The following TRAPPC9 variants were observed in gnomAD, a reference collection of about 807,000 sequenced individuals.
TRAPPC9 encodes the protein trafficking protein particle complex subunit 9.
In TRAPPC9, 83 loss-of-function variants were observed where a neutral mutation model predicts 124.0. The ratio of observed to expected loss-of-function variants is 0.67; its 90% CI spans 0.56 to 0.80. TRAPPC9 has a LOEUF of 0.80. Among genes scored for constraint, TRAPPC9 ranks in the 30% least tolerant of loss-of-function variants. The probability of loss-of-function intolerance (pLI) is 0.00; values close to 1 mark genes in which losing one functional copy is unlikely to be tolerated. For missense variants in TRAPPC9, 1,302 were observed against 1,508.3 expected, an observed-to-expected ratio of 0.86 and a Z score of 2.27; for synonymous variants, 638 against 617.5, an observed-to-expected ratio of 1.03 and a Z score of -0.49.
intron 6 of TRAPPC9, among the ~76,000 whole-genome samples, chr8:140,405,036 T>C (rs1356360657): frequency 6.6e-6 from 1 of 152,148 alleles, no homozygotes; most frequent in Non-Finnish European, 1.5e-5. Context: ...TAGAGGACTT[T>C]CATTTTTTTA....
intron 21 of TRAPPC9, among the ~76,000 whole-genome samples, chr8:139,860,358 C>T (rs1388686910): frequency 6.6e-6 from 1 of 152,194 alleles, no homozygotes; most frequent in Non-Finnish European, 1.5e-5. Flanking sequence ...TCGGGAACAA[C>T]CTCAGGGAGC....
intron 18 of TRAPPC9, among the ~76,000 whole-genome samples, chr8:139,994,633 C>T (rs986558220): frequency 1.3e-5 from 2 of 152,166 alleles, no homozygotes; most frequent in Non-Finnish European, 2.9e-5. Flanking sequence ...TATGACACAA[C>T]TATTTCTTAA....
In TRAPPC9 at chr8:140,045,638, A is replaced by AC. The variant is rs1237704419; in HGVS notation, c.2557-21560_2557-21559insG. Among the ~76,000 whole-genome samples, 274 of 133,894 alleles carry AC rather than the reference A, an allele frequency of 2.0e-3. 12 individuals carry two copies. The highest frequency in any genetic ancestry group is 4.0e-3 in the Middle Eastern group (1 of 252). 87.8% of individuals were successfully genotyped at this position (133,894 alleles called of 152,430 possible). On this transcript the variant is annotated intron_variant, in intron 17 of 22. Coordinates refer to ENST00000438773, the MANE Select transcript of TRAPPC9 (RefSeq NM_001160372.4). ...CAAGACTCCATCTCGGCAGAAAAAA[A>AC]AAAAAAAAAAAAAAAAAAAAACCAA...
At chr8:140,205,102 T>C (rs1183315436) in intron 17 of TRAPPC9, among the ~76,000 whole-genome samples, 5 of 152,232 alleles carry the variant, frequency 3.3e-5, no homozygotes, top group Non-Finnish European at 7.3e-5. Flanking sequence ...GTAGATACAA[T>C]GTGATCACAT....
intron 17 of TRAPPC9, among the ~76,000 whole-genome samples, chr8:140,161,303 C>T (rs1207404500): frequency 6.6e-6 from 1 of 152,276 alleles, no homozygotes; most frequent in African/African-American, 2.4e-5. Context: ...TCGCTGGCCC[C>T]GGATGACGCA....
intron 9 of TRAPPC9, among the ~76,000 whole-genome samples, chr8:140,345,116 G>A (rs553182386): frequency 2.6e-5 from 4 of 152,370 alleles, no homozygotes; most frequent in African/African-American, 9.6e-5. Flanking sequence ...AGAAGTACAG[G>A]CACCATGAAT....
intron 16 of TRAPPC9, among the ~76,000 whole-genome samples, chr8:140,223,516 T>C (rs2063382841): frequency 6.6e-6 from 1 of 152,188 alleles, no homozygotes; most frequent in South Asian, 2.1e-4. Context: ...TTAACACAGT[T>C]GTTGGGAAAG....
intron 9 of TRAPPC9, among the ~76,000 whole-genome samples, chr8:140,357,494 G>C (rs1032052434): frequency 1.3e-5 from 2 of 152,014 alleles, no homozygotes; most frequent in Admixed American, 1.3e-4. Context: ...ACATGCCATG[G>C]GTCAGGGATG....
At chr8:140,135,479 T>C (rs1162403352) in intron 17 of TRAPPC9, among the ~76,000 whole-genome samples, 1 of 152,236 alleles carries the variant, frequency 6.6e-6, no homozygotes, top group Non-Finnish European at 1.5e-5. Context: ...TTTTGACATA[T>C]GCCACAACAT....
At chr8:140,114,506 A>C (rs1269836168) in intron 17 of TRAPPC9, among the ~76,000 whole-genome samples, 3 of 152,206 alleles carry the variant, frequency 2.0e-5, no homozygotes, top group Non-Finnish European at 2.9e-5. Flanking sequence ...CTTGATCAGA[A>C]AGATGACATT....
intron 16 of TRAPPC9, among the ~76,000 whole-genome samples, chr8:140,235,718 G>C (rs549707855): frequency 1.1e-4 from 16 of 152,274 alleles, no homozygotes; most frequent in African/African-American, 3.1e-4. Context: ...GAACCACTTT[G>C]AAAATCTGTT....
At position 140,087,477 on chromosome 8, in the gene TRAPPC9, C is replaced by A. The variant is rs1255378071; in HGVS notation, c.2557-63398G>T. Among the ~76,000 whole-genome samples the A allele has an allele frequency of 6.6e-6, 1 of 152,252 alleles. No homozygotes were observed. Among genetic ancestry groups the A allele is most frequent in the Non-Finnish European group, 1.5e-5 (1 of 68,052 alleles). ...GCTGAAGAGCCGAACGGTGCTCACA[C>A]ATGACTCGCCTGAAGAATATGGTTG... On this transcript the variant is annotated intron_variant, in intron 17 of 22. Coordinates refer to ENST00000438773, the MANE Select transcript of TRAPPC9 (RefSeq NM_001160372.4). This position sits in a 1 kb window ranked among gnomAD's most constrained non-coding sequence, Gnocchi z 4.6.
chr8:139,840,722 C>T (rs1046965655), intron 21 of TRAPPC9, among the ~76,000 whole-genome samples: 1 of 152,198 alleles, frequency 6.6e-6, no homozygotes, highest in Non-Finnish European at 1.5e-5. Context: ...ACAGTCTTTA[C>T]TGGCCTTGCC....
At chr8:140,099,648 T>A (rs2060535574) in intron 17 of TRAPPC9, 1 of 148,180 alleles carries the variant, frequency 6.7e-6, no homozygotes, top group South Asian at 2.2e-4. Context: ...CCCCACAGCC[T>A]TCTGCAAGGG....
chr8:139,904,202 T>C lies in TRAPPC9; in HGVS notation c.2964+5945A>G, dbSNP rs149339922. ...GCTGTTGGATGAACAGGATTCCACC[T>C]GACCTCAAGACGGCACAATCTGGCA... is the stretch of plus-strand genomic sequence containing the variant. On this transcript the variant is annotated intron_variant, in intron 20 of 22. Transcript: ENST00000438773. Among the ~76,000 whole-genome samples the C allele has an allele frequency of 2.0e-3, 300 of 152,336 alleles. 1 individual carries two copies. The highest frequency in any genetic ancestry group is 6.8e-3 in the Middle Eastern group (2 of 294).
At chr8:140,396,572 A>C (rs1588279195) in intron 7 of TRAPPC9, among the ~76,000 whole-genome samples, 25 of 101,566 alleles carry the variant, frequency 2.5e-4, no homozygotes, top group South Asian at 6.5e-4. Flanking sequence ...CTCCTCCCCT[A>C]CCTCTCCATC....
chr8:139,891,294 A>G (rs1335742965), intron 20 of TRAPPC9, among the ~76,000 whole-genome samples: 2 of 152,268 alleles, frequency 1.3e-5, no homozygotes, highest in South Asian at 2.1e-4. Flanking sequence ...GCAAAGATTA[A>G]AGAACTTTTC....
In TRAPPC9 at chr8:139,788,514, G is replaced by A. The variant is rs1054980597; in HGVS notation, c.3056-56312C>T. 2.0e-5 allele frequency among the ~76,000 whole-genome samples: 3 copies of A among 152,186 alleles called. No individual in the cohort carries two copies. The highest frequency in any genetic ancestry group is 4.8e-5 in the African/African-American group (2 of 41,452). Reference sequence around the variant, plus strand: ...CTCCAGGCACAGCCAGCCATCGGGCGGCCCATGGTCCTGGGGCATGGCAGC... The same window carrying A: ...CTCCAGGCACAGCCAGCCATCGGGCAGCCCATGGTCCTGGGGCATGGCAGC... On this transcript the variant is annotated intron_variant, in intron 21 of 22. Coordinates refer to ENST00000438773, the MANE Select transcript of TRAPPC9 (RefSeq NM_001160372.4). This position sits in a 1 kb window ranked among gnomAD's most constrained non-coding sequence, Gnocchi z 4.9.
At chr8:140,035,696 C>T (rs1840831777) in intron 17 of TRAPPC9, among the ~76,000 whole-genome samples, 1 of 152,170 alleles carries the variant, frequency 6.6e-6, no homozygotes, top group African/African-American at 2.4e-5. Flanking sequence ...TGCATCTGAC[C>T]CCAAAAGCCA....
Sources: allele counts gnomAD v4.1 joint callset (sites outside exome capture counted in the v4.1 genomes callset), GRCh38; gene constraint gnomAD v4.1.1; non-coding constraint Gnocchi (gnomAD v3.1); transcripts MANE v1.5; gene names NCBI Gene and HGNC (gene_info 2026-07-23, HGNC 2026-07-21).